SLX9: variants seen among roughly 807,000 people sequenced by gnomAD.
SLX9 encodes the protein ribosome biogenesis protein SLX9 homolog.
A neutral mutation model predicts 20.8 loss-of-function variants in SLX9; 19 were observed. The ratio of observed to expected loss-of-function variants is 0.91; its 90% CI spans 0.64 to 1.34. SLX9 has a LOEUF of 1.34. Ranked by LOEUF, SLX9 falls within the 40% of genes most tolerant of loss-of-function variation. SLX9 has a pLI of 0.00. For missense variants in SLX9, 299 were observed against 322.2 expected, an observed-to-expected ratio of 0.93 and a Z score of 0.55; for synonymous variants, 113 against 137.1, an observed-to-expected ratio of 0.82 and a Z score of 1.23.
chr21:44,969,092 A>C (rs1257309410), intron 4 of SLX9: 1 of 446,656 alleles, frequency 2.2e-6, no homozygotes, highest in Admixed American at 2.4e-5. Flanking sequence ...TTCTCCTACT[A>C]ACTTTCCATC....
chr21:44,970,792 A>T lies in SLX9; in HGVS notation c.501-2405A>T, dbSNP rs1314387893. Among the ~76,000 whole-genome samples the T allele has an allele frequency of 2.0e-5, 3 of 152,106 alleles. No homozygotes were observed. The East Asian group carries it at 5.8e-4, about 29-fold the overall frequency. ...TCTCCCCTTCCCACCTAGTGGGGAG[A>T]ACATATGGCTTGGGCTGGCAGAGCT... On this transcript the variant is annotated intron_variant, in intron 4 of 5. Coordinates refer to ENST00000291634, the MANE Select transcript of SLX9 (RefSeq NM_058190.4).
At position 44,943,868 on chromosome 21, in the gene SLX9, A is replaced by AT. The variant is rs756367183; in HGVS notation, c.283+32dup. 6.8e-6 allele frequency: 11 copies of AT among 1,613,648 alleles called. No individual in the cohort carries two copies. In the Admixed American group the frequency reaches 1.8e-4, roughly 27 times the overall value. ...GCAGGCTCGACGGGTTACCATGCTG[A>AT]TACCCAGCAGGTCTGGGATTGTTCC... On this transcript the variant is annotated intron_variant, in intron 2 of 5. Transcript: ENST00000291634.
At chr21:44,959,500 G>A (rs1002439000) in intron 2 of SLX9, among the ~76,000 whole-genome samples, 1 of 151,986 alleles carries the variant, frequency 6.6e-6, no homozygotes, top group Non-Finnish European at 1.5e-5. Flanking sequence ...TCCTTTCCCC[G>A]CCCACCGGGC....
intron 1 of SLX9, among the ~76,000 whole-genome samples, chr21:44,941,612 G>C (rs2084550336): frequency 1.3e-5 from 2 of 152,156 alleles, no homozygotes. Context: ...GTCAGATTCA[G>C]CGTGTTCACA....
chr21:44,947,481 C>T (rs769445821), intron 2 of SLX9, among the ~76,000 whole-genome samples: 2 of 152,222 alleles, frequency 1.3e-5, no homozygotes, highest in Non-Finnish European at 2.9e-5. Context: ...TCCTCCCCCA[C>T]TCTAGCCCTG....
chr21:44,966,968 G>T (rs1206344720), intron 3 of SLX9, 66 bp from the exon 4 acceptor site: 4 of 1,551,446 alleles, frequency 2.6e-6, no homozygotes, highest in Non-Finnish European at 3.5e-6. Context: ...TCGTGGGCCA[G>T]AGGCTCTGGG....
At chr21:44,959,960 G>A (rs2084924893) in intron 2 of SLX9, 140 bp from the exon 3 acceptor site, 1 of 720,428 alleles carries the variant, frequency 1.4e-6, no homozygotes, top group East Asian at 2.7e-5. Flanking sequence ...CCAGAGCCGG[G>A]AGTCTGAGAG....
intron 2 of SLX9, among the ~76,000 whole-genome samples, chr21:44,950,701 G>A (rs952863798): frequency 6.6e-6 from 1 of 152,272 alleles, no homozygotes; most frequent in Admixed American, 6.5e-5. Context: ...ATGGTGCCAT[G>A]CTGAGGCATT....
intron 5 of SLX9, among the ~76,000 whole-genome samples, chr21:44,976,275 AGGCTCTC>A (rs59631583): frequency 0.12 from 17,566 of 151,938 alleles, 1,149 homozygotes; most frequent in East Asian, 0.3. Flanking sequence ...CTGCCGGCTC[AGGCTCTC>A]GGCTCTCGGC....
At chr21:44,939,980 C>T, upstream of SLX9, 3 of 1,345,750 alleles carry the variant, frequency 2.2e-6, no homozygotes, top group Non-Finnish European at 2.9e-6. Context: ...GCCGCGGCTC[C>T]TGTTTCCGCC....
intron 1 of SLX9, among the ~76,000 whole-genome samples, chr21:44,941,406 T>G (rs1341629805): frequency 2.0e-5 from 3 of 152,150 alleles, no homozygotes; most frequent in Non-Finnish European, 2.9e-5. Context: ...ATGTGACCTC[T>G]CTCCTTGTCC....
At chr21:44,940,795 A>G (rs2084531272) in intron 1 of SLX9, among the ~76,000 whole-genome samples, 1 of 151,382 alleles carries the variant, frequency 6.6e-6, no homozygotes, top group Non-Finnish European at 1.5e-5. Flanking sequence ...TTTTCGTTAC[A>G]TTGGCAAGTC....
At chr21:44,955,947 A>C (rs922779833) in intron 2 of SLX9, among the ~76,000 whole-genome samples, 1 of 152,132 alleles carries the variant, frequency 6.6e-6, no homozygotes, top group Admixed American at 6.6e-5. Context: ...GCAGCACCCA[A>C]GTCGGCCTCC....
At chr21:44,946,487 C>T (rs918122987) in intron 2 of SLX9, among the ~76,000 whole-genome samples, 4 of 152,208 alleles carry the variant, frequency 2.6e-5, no homozygotes, top group Non-Finnish European at 5.9e-5. Flanking sequence ...GGGGAGGAGC[C>T]TTGGCCTGGG....
chr21:44,950,474 G>A (rs1428397738), intron 2 of SLX9, among the ~76,000 whole-genome samples: 2 of 152,264 alleles, frequency 1.3e-5, no homozygotes, highest in African/African-American at 4.8e-5. Context: ...TGCGGCGGCT[G>A]GGAGTGGTGC....
At chr21:44,960,206 C>A (rs1353300543) in intron 3 of SLX9, 38 bp downstream of exon 3, 2 of 1,595,128 alleles carry the variant, frequency 1.3e-6, no homozygotes, top group Non-Finnish European at 1.7e-6. Context: ...GCTGCCGGCC[C>A]AAGTCCCATC....
intron 2 of SLX9, among the ~76,000 whole-genome samples, chr21:44,953,240 G>A (rs987448407): frequency 6.6e-6 from 1 of 152,238 alleles, no homozygotes; most frequent in Admixed American, 6.5e-5. Context: ...CGCGTGGCCG[G>A]CCTGTCATGT....
At chr21:44,949,167 G>A (rs1169329202) in intron 2 of SLX9, among the ~76,000 whole-genome samples, 1 of 152,190 alleles carries the variant, frequency 6.6e-6, no homozygotes, top group Non-Finnish European at 1.5e-5. Context: ...AGTGCAGAGA[G>A]GCCAGGGTCC....
At chr21:44,953,495 C>T (rs1038092436) in intron 2 of SLX9, among the ~76,000 whole-genome samples, 1 of 151,836 alleles carries the variant, frequency 6.6e-6, no homozygotes, top group South Asian at 2.1e-4. Context: ...CTGCACCATC[C>T]CCGGCGGTGG....
Sources: allele counts gnomAD v4.1 joint callset (sites outside exome capture counted in the v4.1 genomes callset), GRCh38; gene constraint gnomAD v4.1.1; transcripts MANE v1.5; gene names NCBI Gene and HGNC (gene_info 2026-07-23, HGNC 2026-07-21).